LRRC4C: variants seen among roughly 807,000 people sequenced by gnomAD.
LRRC4C encodes the protein leucine-rich repeat-containing protein 4C.
A neutral mutation model predicts 33.6 loss-of-function variants in LRRC4C; 5 were observed. The ratio of observed to expected loss-of-function variants is 0.15; its 90% CI spans 0.08 to 0.31. LRRC4C has a LOEUF of 0.31. Among genes scored for constraint, LRRC4C ranks in the 10% least tolerant of loss-of-function variants. The pLI, the probability that LRRC4C is intolerant of heterozygous loss-of-function variation, is 1.00. For synonymous variants in LRRC4C, 329 were observed against 302.0 expected (o/e 1.09, Z -0.93); for missense variants, 560 against 796.7 (o/e 0.70, Z 3.58).
intron 3 of LRRC4C, among the ~76,000 whole-genome samples, chr11:40,626,668 A>C (rs1962957696): frequency 6.6e-6 from 1 of 152,210 alleles, no homozygotes; most frequent in Non-Finnish European, 1.5e-5. Flanking sequence ...AACTTTGTTC[A>C]GCTCTTATTG....
intron 2 of LRRC4C, among the ~76,000 whole-genome samples, chr11:40,879,969 T>A (rs1444833988): frequency 6.6e-6 from 1 of 152,090 alleles, no homozygotes; most frequent in Non-Finnish European, 1.5e-5. Context: ...ACTGGACAAG[T>A]CTGTAACTAT....
At chr11:40,158,115 G>A (rs986301253) in intron 5 of LRRC4C, among the ~76,000 whole-genome samples, 12 of 152,082 alleles carry the variant, frequency 7.9e-5, no homozygotes, top group East Asian at 3.9e-4. Flanking sequence ...TATTTGCAGT[G>A]ACCTGGATGA....
chr11:40,510,797 A>G (rs1200117861), intron 3 of LRRC4C, among the ~76,000 whole-genome samples: 3 of 152,188 alleles, frequency 2.0e-5, no homozygotes, highest in Non-Finnish European at 4.4e-5. Context: ...TAGAGAGTCT[A>G]GAGAGATGGC....
chr11:40,265,769 A>G (rs1942206182), intron 4 of LRRC4C, among the ~76,000 whole-genome samples: 1 of 152,232 alleles, frequency 6.6e-6, no homozygotes, highest in African/African-American at 2.4e-5. Flanking sequence ...GATTATATGC[A>G]TACATAAATA....
intron 3 of LRRC4C, among the ~76,000 whole-genome samples, chr11:40,374,123 C>A: frequency 6.6e-6 from 1 of 152,084 alleles, no homozygotes; most frequent in East Asian, 1.9e-4. Flanking sequence ...AAGGATCATT[C>A]TCATTAATTA....
chr11:40,327,204 T>C (rs1946143065), intron 3 of LRRC4C, among the ~76,000 whole-genome samples: 1 of 152,220 alleles, frequency 6.6e-6, no homozygotes, highest in Non-Finnish European at 1.5e-5. Flanking sequence ...TTGACTTCTC[T>C]GAGGAGCCAT....
At chr11:40,991,737 A>G (rs980843450) in intron 1 of LRRC4C, among the ~76,000 whole-genome samples, 2 of 152,124 alleles carry the variant, frequency 1.3e-5, no homozygotes, top group South Asian at 2.1e-4. Flanking sequence ...TGGTATACAC[A>G]GTTCACGATA....
At chr11:40,399,789 G>A (rs10837399) in intron 3 of LRRC4C, among the ~76,000 whole-genome samples, 57,313 of 151,670 alleles carry the variant, frequency 0.38, 11,157 homozygotes, top group South Asian at 0.47. Flanking sequence ...AAAGTAATAT[G>A]AGTGAAATGA....
intron 2 of LRRC4C, among the ~76,000 whole-genome samples, chr11:40,921,519 G>T (rs553079995): frequency 2.0e-5 from 3 of 152,072 alleles, no homozygotes; most frequent in Non-Finnish European, 4.4e-5. Flanking sequence ...AGAAGAGAAT[G>T]CAGTCCTCTT....
chr11:40,503,628 A>G (rs1954888849), intron 3 of LRRC4C, among the ~76,000 whole-genome samples: 1 of 152,198 alleles, frequency 6.6e-6, no homozygotes, highest in African/African-American at 2.4e-5. Flanking sequence ...ATGACACAGG[A>G]CTCAAAGATT....
chr11:41,245,865 C>T (rs938104845), intron 1 of LRRC4C, among the ~76,000 whole-genome samples: 2 of 152,190 alleles, frequency 1.3e-5, no homozygotes, highest in African/African-American at 4.8e-5. Flanking sequence ...TGGGCAGCTC[C>T]TCTGCAGGCA....
At chr11:40,857,996 A>G (rs1236253843) in intron 2 of LRRC4C, among the ~76,000 whole-genome samples, 74 of 101,250 alleles carry the variant, frequency 7.3e-4, no homozygotes, top group Non-Finnish European at 1.3e-3. Context: ...AGGGACAGGG[A>G]CAGGGACAGG....
At chr11:41,042,782 T>G (rs2138002347) in intron 1 of LRRC4C, among the ~76,000 whole-genome samples, 1 of 152,324 alleles carries the variant, frequency 6.6e-6, no homozygotes, top group South Asian at 2.1e-4. Flanking sequence ...TTGTTGTTGT[T>G]AAATGTTTCT....
intron 2 of LRRC4C, among the ~76,000 whole-genome samples, chr11:40,676,564 C>T (rs1944414226): frequency 1.3e-5 from 2 of 152,294 alleles, no homozygotes; most frequent in South Asian, 4.1e-4. Flanking sequence ...ATTCCTATTA[C>T]ACAATGTTTT....
chr11:40,851,505 T>G (rs1953495039), intron 2 of LRRC4C, among the ~76,000 whole-genome samples: 1 of 152,142 alleles, frequency 6.6e-6, no homozygotes, highest in South Asian at 2.1e-4. Context: ...ACTGGCTACC[T>G]CAGTTGGAAA....
chr11:40,121,842 C>T (rs981121085), intron 6 of LRRC4C, among the ~76,000 whole-genome samples: 3 of 152,104 alleles, frequency 2.0e-5, no homozygotes, highest in Non-Finnish European at 4.4e-5. Flanking sequence ...ATTCAGTTAA[C>T]CACAACTGTA....
At chr11:40,223,422 C>T (rs1864560104) in intron 5 of LRRC4C, among the ~76,000 whole-genome samples, 1 of 152,124 alleles carries the variant, frequency 6.6e-6, no homozygotes, top group East Asian at 1.9e-4. Flanking sequence ...AATTGAATGG[C>T]CTCTTTCTAT....
chr11:40,221,937 T>A (rs952383045), intron 5 of LRRC4C, among the ~76,000 whole-genome samples: 1 of 152,182 alleles, frequency 6.6e-6, no homozygotes, highest in Non-Finnish European at 1.5e-5. Context: ...GTCTCGTCGA[T>A]GCCCTCGGCT....
chr11:40,448,201 C>T (rs779283600), intron 3 of LRRC4C, among the ~76,000 whole-genome samples: 1 of 152,172 alleles, frequency 6.6e-6, no homozygotes, highest in Non-Finnish European at 1.5e-5. Context: ...ATTCATGAGA[C>T]ATTTAAGTTA....
Sources: gnomAD v4.1 joint callset for allele counts (sites outside exome capture counted in the v4.1 genomes callset) on GRCh38, gnomAD v4.1.1 for gene constraint, MANE v1.5 for transcripts, NCBI Gene and HGNC (gene_info 2026-07-23, HGNC 2026-07-21) for gene names.